Variants in RGSL1 observed in about 807,000 individuals in gnomAD.
RGSL1 encodes the protein regulator of G protein signaling protein-like.
In RGSL1, 97 loss-of-function variants were observed where a neutral mutation model predicts 124.7. That is an observed-to-expected ratio of 0.78 (90% CI 0.66 to 0.92). The LOEUF (loss-of-function observed/expected upper bound fraction) is 0.92. RGSL1 is among the 40% of genes least tolerant of loss of function. RGSL1 has a pLI of 0.00. For synonymous variants in RGSL1, 424 were observed against 438.1 expected (o/e 0.97, Z 0.40); for missense variants, 1,233 against 1,288.4 (o/e 0.96, Z 0.66).
chr1:182,500,722 A>G (rs1411471038), intron 9 of RGSL1, among the ~76,000 whole-genome samples: 1 of 152,068 alleles, frequency 6.6e-6, no homozygotes, highest in South Asian at 2.1e-4. Context: ...TCATGATTAC[A>G]TTTATAAGTA....
At chr1:182,457,474 G>A (rs546890717) in intron 2 of RGSL1, among the ~76,000 whole-genome samples, 1 of 152,176 alleles carries the variant, frequency 6.6e-6, no homozygotes, top group South Asian at 2.1e-4. Flanking sequence ...ATTGTAACAT[G>A]CAGACAGCAA....
chr1:182,552,663 G>T (rs775267934), intron 18 of RGSL1, among the ~76,000 whole-genome samples: 103 of 152,240 alleles, frequency 6.8e-4, no homozygotes, highest in Non-Finnish European at 1.2e-3. Flanking sequence ...CCTCATATTG[G>T]GTAATTCATA....
chr1:182,478,553 AT>A (rs1654466983), intron 6 of RGSL1, among the ~76,000 whole-genome samples: 1 of 152,176 alleles, frequency 6.6e-6, no homozygotes, highest in Non-Finnish European at 1.5e-5. Flanking sequence ...CATTTCAGAA[AT>A]AAAAAGAATG....
At chr1:182,511,102 G>C (rs1472860257) in intron 9 of RGSL1, among the ~76,000 whole-genome samples, 1 of 151,856 alleles carries the variant, frequency 6.6e-6, no homozygotes, top group Non-Finnish European at 1.5e-5. Context: ...ATTTTTATTT[G>C]ATTTTTGTAT....
chr1:182,455,486 G>A (rs578203186), intron 2 of RGSL1, among the ~76,000 whole-genome samples: 2 of 152,218 alleles, frequency 1.3e-5, no homozygotes, highest in Admixed American at 1.3e-4. Context: ...GGAGGCTGAG[G>A]CACGAGAATC....
At chr1:182,505,815 G>C (rs1166352830) in intron 9 of RGSL1, among the ~76,000 whole-genome samples, 2 of 151,694 alleles carry the variant, frequency 1.3e-5, no homozygotes, top group Non-Finnish European at 2.9e-5. Context: ...ACTTTGTCTG[G>C]CATATAGAAA....
intron 15 of RGSL1, among the ~76,000 whole-genome samples, chr1:182,544,614 T>C (rs912635176): frequency 5.3e-5 from 8 of 152,040 alleles, no homozygotes; most frequent in African/African-American, 1.7e-4. Context: ...GCTATTATTG[T>C]ATTGCAACCT....
intron 3 of RGSL1, 83 bp downstream of exon 3, chr1:182,458,476 G>A: frequency 7.9e-7 from 1 of 1,259,276 alleles, no homozygotes; most frequent in South Asian, 1.3e-5. Context: ...ATTTGTTTTT[G>A]TTTTTGTTTT....
Position 182,488,275 on chromosome 1 carries a change from T to C in RGSL1, c.1432-10T>C. 6.4e-7 allele frequency: 1 copy of C among 1,552,084 alleles called. No individual in the cohort carries two copies. Among genetic ancestry groups the C allele is most frequent in the Middle Eastern group, 1.7e-4 (1 of 5,994 alleles). The stretch of plus-strand genomic sequence containing the variant: ...CACCTCATAATGCATATGCTGTGTT[T>C]GGTTTTCAGATGCTCAGTCCCTGGT... On this transcript the variant is annotated splice_polypyrimidine_tract_variant and intron_variant, in intron 6 of 21. Transcript: ENST00000294854.
intron 9 of RGSL1, among the ~76,000 whole-genome samples, chr1:182,520,508 A>C (rs1234362586): frequency 6.6e-6 from 1 of 152,226 alleles, no homozygotes; most frequent in East Asian, 1.9e-4. Flanking sequence ...AACACTGCAA[A>C]TGCCTTTAGG....
At chr1:182,518,347 C>T (rs535838005) in intron 9 of RGSL1, among the ~76,000 whole-genome samples, 77 of 152,264 alleles carry the variant, frequency 5.1e-4, no homozygotes, top group Admixed American at 1.2e-3. Context: ...TCTTCCCAAA[C>T]GGAGGGGATC....
intron 4 of RGSL1, among the ~76,000 whole-genome samples, chr1:182,464,569 CA>C (rs1653119224): frequency 6.6e-6 from 1 of 151,368 alleles, no homozygotes; most frequent in Non-Finnish European, 1.5e-5. Context: ...ACTAAAAATA[CA>C]AAAATTATCT....
At chr1:182,505,405 AT>A in intron 9 of RGSL1, among the ~76,000 whole-genome samples, 1 of 152,320 alleles carries the variant, frequency 6.6e-6, no homozygotes, top group East Asian at 1.9e-4. Context: ...ACAATTTAAA[AT>A]GCCACACTTT....
At chr1:182,537,758 G>A (rs558926927) in intron 14 of RGSL1, among the ~76,000 whole-genome samples, 1 of 151,102 alleles carries the variant, frequency 6.6e-6, no homozygotes, top group African/African-American at 2.4e-5. Context: ...CACTATTTCT[G>A]CTTCTGTGTG....
chr1:182,514,354 C>G (rs750876006), intron 9 of RGSL1, among the ~76,000 whole-genome samples: 1 of 152,168 alleles, frequency 6.6e-6, no homozygotes, highest in Non-Finnish European at 1.5e-5. Context: ...GGGTCATTCA[C>G]TGGTACTGCT....
chr1:182,491,685 G>GTGA (rs143606584), intron 8 of RGSL1, among the ~76,000 whole-genome samples: 10 of 151,754 alleles, frequency 6.6e-5, no homozygotes, highest in Non-Finnish European at 1.2e-4. Flanking sequence ...ACACATCATG[G>GTGA]TGATGATGAT....
intron 3 of RGSL1, among the ~76,000 whole-genome samples, chr1:182,459,325 A>G (rs1195712385): frequency 6.6e-6 from 1 of 152,098 alleles, no homozygotes; most frequent in Non-Finnish European, 1.5e-5. Context: ...TAGACTTACC[A>G]ATGGCTTCCA....
chr1:182,553,796 G>T (rs1171359448), intron 19 of RGSL1, among the ~76,000 whole-genome samples: 2 of 152,084 alleles, frequency 1.3e-5, no homozygotes, highest in Admixed American at 6.5e-5. Context: ...CCCCGGGAAG[G>T]CAGGTACCTT....
chr1:182,522,367 T>TCTA (rs1658413491), intron 10 of RGSL1, among the ~76,000 whole-genome samples: 1 of 152,238 alleles, frequency 6.6e-6, no homozygotes, highest in Non-Finnish European at 1.5e-5. Context: ...TATGTGCAGA[T>TCTA]CTACCTCCTT....
Sources: allele counts gnomAD v4.1 joint callset (sites outside exome capture counted in the v4.1 genomes callset), GRCh38; gene constraint gnomAD v4.1.1; transcripts MANE v1.5; gene names NCBI Gene and HGNC (gene_info 2026-07-23, HGNC 2026-07-21).